The following TGM3 variants were observed in gnomAD, a reference collection of about 807,000 sequenced individuals.
TGM3 encodes the protein protein-glutamine gamma-glutamyltransferase E.
A neutral mutation model predicts 73.8 loss-of-function variants in TGM3; 52 were observed. The observed-to-expected ratio is 0.70, with a 90% CI of 0.56 to 0.89. TGM3 has a LOEUF of 0.89. Ranked by LOEUF, TGM3 falls within the 40% of genes least tolerant of loss-of-function variation. The probability of loss-of-function intolerance (pLI) is 0.00; values close to 1 mark genes in which losing one functional copy is unlikely to be tolerated. For missense variants in TGM3, 928 were observed against 909.9 expected (o/e 1.02, Z -0.26); for synonymous variants, 372 against 354.9 (o/e 1.05, Z -0.54).
chr20:2,339,953 G>A lies in TGM3; in HGVS notation c.1900G>A (p.Gly634Arg), dbSNP rs1454133853. Reference sequence around the variant, plus strand: ...GAGGGACTGCGTGCTGATGGTGGAGGGAAGCGGCCTGCTGTTGGGTAACCT... The same window carrying A: ...GAGGGACTGCGTGCTGATGGTGGAGAGAAGCGGCCTGCTGTTGGGTAACCT... ...PVRDCVLMVE[G>R]SGLLLGNLKI... The change falls in exon 12 of 13, where the codon GGA becomes AGA. Residue 634 changes from glycine (G) to arginine (R), a missense_variant. Coordinates refer to ENST00000381458, the MANE Select transcript of TGM3 (RefSeq NM_003245.4). 3 of 1,606,616 alleles carry A rather than the reference G, an allele frequency of 1.9e-6. No homozygotes were observed. Among genetic ancestry groups the A allele is most frequent in the Admixed American group, 3.4e-5 (2 of 59,664 alleles).
chr20:2,324,128 C>T (rs1190084562), intron 7 of TGM3, among the ~76,000 whole-genome samples: 1 of 152,014 alleles, frequency 6.6e-6, no homozygotes, highest in East Asian at 1.9e-4. Flanking sequence ...TTGACTCTTT[C>T]CTCTGTCATC....
At chr20:2,321,249 T>C (rs2084261365) in intron 7 of TGM3, among the ~76,000 whole-genome samples, 1 of 152,232 alleles carries the variant, frequency 6.6e-6, no homozygotes, top group African/African-American at 2.4e-5. Flanking sequence ...TTTTGTTTGT[T>C]TGTTTTGTTT....
chr20:2,297,206 T>C (rs2084113822), intron 1 of TGM3, among the ~76,000 whole-genome samples: 1 of 152,198 alleles, frequency 6.6e-6, no homozygotes, highest in African/African-American at 2.4e-5. Flanking sequence ...AGTGAATCCA[T>C]CGCAGAGCCA....
At chr20:2,330,101 C>T (rs945836862) in intron 9 of TGM3, among the ~76,000 whole-genome samples, 1 of 152,108 alleles carries the variant, frequency 6.6e-6, no homozygotes, top group Non-Finnish European at 1.5e-5. Flanking sequence ...AGCCCTTATG[C>T]GACAGGACAG....
intron 8 of TGM3, among the ~76,000 whole-genome samples, chr20:2,326,753 G>A (rs1418829760): frequency 6.6e-6 from 1 of 152,018 alleles, no homozygotes; most frequent in Non-Finnish European, 1.5e-5. Flanking sequence ...AGGCTGAGGT[G>A]GGAGAATCGC....
intron 7 of TGM3, among the ~76,000 whole-genome samples, chr20:2,321,674 G>A (rs894804427): frequency 2.6e-5 from 4 of 152,172 alleles, no homozygotes; most frequent in African/African-American, 7.2e-5. Context: ...GATGCCCGCA[G>A]CCTGTCCTCT....
chr20:2,332,721 T>C lies in TGM3; in HGVS notation c.1642+411T>C, dbSNP rs2084328225. The stretch of plus-strand genomic sequence containing the variant: ...TTCGGAGATAAAGTATCATAGATAG[T>C]AGTGGTAGTGCTGAGTCTTGGTCCT... On this transcript the variant is annotated intron_variant, in intron 10 of 12. Coordinates refer to ENST00000381458, the MANE Select transcript of TGM3 (RefSeq NM_003245.4). This position sits in a 1 kb window ranked among gnomAD's most constrained non-coding sequence, Gnocchi z 4.4. 6.6e-6 allele frequency among the ~76,000 whole-genome samples: 1 copy of C among 152,196 alleles called. No homozygotes were observed. Among genetic ancestry groups the C allele is most frequent in the Admixed American group, 6.5e-5 (1 of 15,280 alleles).
chr20:2,313,114 C>A, intron 5 of TGM3, 88 bp downstream of exon 5: 1 of 1,550,080 alleles, frequency 6.5e-7, no homozygotes, highest in South Asian at 1.1e-5. Flanking sequence ...TTACATATGT[C>A]ATCTCATTAA....
intron 1 of TGM3, among the ~76,000 whole-genome samples, chr20:2,307,472 G>A (rs1297054552): frequency 6.6e-6 from 1 of 152,170 alleles, no homozygotes; most frequent in African/African-American, 2.4e-5. Flanking sequence ...TAGAATGCAG[G>A]CAGCTCTATG....
At chr20:2,311,159 A>ACAGGGACATTACCCT in intron 4 of TGM3, 30 bp downstream of exon 4, 1 of 1,582,140 alleles carries the variant, frequency 6.3e-7, no homozygotes, top group Non-Finnish European at 8.7e-7. Context: ...GCTAAGGGTA[A>ACAGGGACATTACCCT]TGTCCCTGTT....
chr20:2,304,031 C>T (rs2084165236), intron 1 of TGM3, among the ~76,000 whole-genome samples: 1 of 152,172 alleles, frequency 6.6e-6, no homozygotes, highest in Non-Finnish European at 1.5e-5. Context: ...TCATGCGACT[C>T]CTGTCTCTTC....
intron 1 of TGM3, among the ~76,000 whole-genome samples, chr20:2,307,282 G>T (rs1309678795): frequency 6.6e-6 from 1 of 152,110 alleles, no homozygotes; most frequent in South Asian, 2.1e-4. Flanking sequence ...ACTGGAGAGG[G>T]TACCTATGGT....
chr20:2,326,014 C>G, intron 8 of TGM3, 62 bp downstream of exon 8: 1 of 1,492,196 alleles, frequency 6.7e-7, no homozygotes, highest in African/African-American at 1.4e-5. Context: ...CCATGGACAG[C>G]AGCATAGGGA....
rs45491594 is a variant in TGM3, at chr20:2,304,742, A to G, written c.8-4915A>G. Among the ~76,000 whole-genome samples, 136 of 152,232 alleles carry G rather than the reference A, an allele frequency of 8.9e-4. 2 individuals carry two copies. The East Asian group carries it at 0.024, about 26-fold the overall frequency. On this transcript the variant is annotated intron_variant, in intron 1 of 12. Coordinates refer to ENST00000381458, the MANE Select transcript of TGM3 (RefSeq NM_003245.4). ...GCAGTGGACACCCACCGGGTGTCCT[A>G]CCCTTCAACTCAATTCTCACACTGT...
chr20:2,311,207 G>A (rs1006119030), intron 4 of TGM3, 78 bp downstream of exon 4: 2 of 1,184,282 alleles, frequency 1.7e-6, no homozygotes, highest in African/African-American at 3.0e-5. Context: ...CAGATCAATG[G>A]GAAGTCCCAC....
chr20:2,315,813 C>T (rs1472373976), intron 5 of TGM3, among the ~76,000 whole-genome samples: 2 of 152,192 alleles, frequency 1.3e-5, no homozygotes, highest in Admixed American at 1.3e-4. Context: ...GACCTTTGTG[C>T]AATCATCAAG....
intron 7 of TGM3, among the ~76,000 whole-genome samples, chr20:2,324,458 A>T (rs1051891043): frequency 2.6e-5 from 4 of 152,104 alleles, no homozygotes; most frequent in African/African-American, 9.7e-5. Context: ...CAGACGCTGG[A>T]TGTGTCTGAA....
chr20:2,322,616 C>A (rs776985938), intron 7 of TGM3, among the ~76,000 whole-genome samples: 1 of 152,198 alleles, frequency 6.6e-6, no homozygotes, highest in Non-Finnish European at 1.5e-5. Context: ...TGCCTGGATT[C>A]AAATCCCACT....
In TGM3 at chr20:2,341,015, T is replaced by C; in HGVS notation, c.*434T>C. The C allele has an allele frequency of 2.2e-6, 1 of 453,920 alleles. No homozygotes were observed. 28.1% of individuals were successfully genotyped at this position (453,920 alleles called of 1,614,324 possible). On this transcript the variant is annotated 3_prime_UTR_variant, in exon 13 of 13. Transcript: ENST00000381458. The stretch of plus-strand genomic sequence containing the variant: ...GGCCACCACAGAGGGCAGGGGATGG[T>C]TAGTCACCTGCCCCAGCACTCACAC...
Sources: gnomAD v4.1 joint callset for allele counts (sites outside exome capture counted in the v4.1 genomes callset) on GRCh38, gnomAD v4.1.1 for gene constraint, Gnocchi (gnomAD v3.1) non-coding constraint, MANE v1.5 for transcripts, NCBI Gene and HGNC (gene_info 2026-07-23, HGNC 2026-07-21) for gene names.